The following INTS4 variants were observed in gnomAD, a reference collection of about 807,000 sequenced individuals.
INTS4 encodes the protein MSTP093.
A neutral mutation model predicts 119.5 loss-of-function variants in INTS4; 70 were observed. The ratio of observed to expected loss-of-function variants is 0.59; its 90% CI spans 0.48 to 0.71. INTS4 has a LOEUF of 0.71. INTS4 is among the 30% of genes least tolerant of loss of function. INTS4 has a pLI of 0.00. For synonymous variants in INTS4, 316 were observed against 419.6 expected, an observed-to-expected ratio of 0.75 and a Z score of 3.02; for missense variants, 867 against 1,173.2, an observed-to-expected ratio of 0.74 and a Z score of 3.81.
At chr11:77,991,679 T>C (rs543346300) in intron 1 of INTS4, among the ~76,000 whole-genome samples, 13 of 152,040 alleles carry the variant, frequency 8.6e-5, no homozygotes, top group Non-Finnish European at 1.8e-4. Flanking sequence ...TGAGCCACGG[T>C]GCCCAGCCTT....
chr11:77,909,129 T>C (rs1591042817), intron 15 of INTS4, among the ~76,000 whole-genome samples: 2 of 152,254 alleles, frequency 1.3e-5, no homozygotes, highest in East Asian at 3.8e-4. Flanking sequence ...ATAGCCCTGA[T>C]TGCCATTAGC....
At position 77,976,813 on chromosome 11, in the gene INTS4, A is replaced by C. The variant is rs191282010; in HGVS notation, c.471+2183T>G. 2.3e-3 allele frequency among the ~76,000 whole-genome samples: 353 copies of C among 152,354 alleles called. 1 individual carries two copies. Among genetic ancestry groups the C allele is most frequent in the African/African-American group, 8.1e-3 (336 of 41,586 alleles). ...AAGCTGGAAACCATCATTCTCAGCA[A>C]ACTATTGCAAGGACAAAAAACCAAA... On this transcript the variant is annotated intron_variant, in intron 4 of 22. Transcript: ENST00000534064.
In INTS4 at chr11:77,960,963, A is replaced by G; in HGVS notation, c.647T>C (p.Ile216Thr). The change falls in exon 5 of 23, where the codon ATA becomes ACA. Residue 216 changes from isoleucine to threonine, a missense_variant. Transcript: ENST00000534064. Reference sequence around the variant, plus strand: ...CATAATCACATTTACCATGGCTTTTATAGCTGCTGTTCTGACACGTGGGTC... The same window carrying G: ...CATAATCACATTTACCATGGCTTTTGTAGCTGCTGTTCTGACACGTGGGTC... The part of the protein sequence containing the change: ...DQDPRVRTAA[I>T]KAMLQLHERG... 1 of 1,599,102 alleles carries G rather than the reference A, an allele frequency of 6.3e-7. No homozygotes were observed.
At chr11:77,987,552 G>A (rs942833822) in intron 2 of INTS4, 19 of 422,376 alleles carry the variant, frequency 4.5e-5, no homozygotes, top group African/African-American at 4.0e-4. Context: ...CTGAGAGATC[G>A]AAAACTTCTT....
chr11:77,982,926 T>C (rs917484316), intron 2 of INTS4, among the ~76,000 whole-genome samples: 1 of 152,154 alleles, frequency 6.6e-6, no homozygotes, highest in Non-Finnish European at 1.5e-5. Context: ...AGATACAGCG[T>C]TGGAAGATCT....
intron 14 of INTS4, among the ~76,000 whole-genome samples, chr11:77,920,198 T>TATACATACACAC (rs1247883245): frequency 3.9e-3 from 192 of 48,806 alleles, no homozygotes; most frequent in African/African-American, 0.014. Context: ...TATATATACA[T>TATACATACACAC]ATATATACAC....
chr11:77,900,503 C>T, intron 18 of INTS4: 1 of 592,296 alleles, frequency 1.7e-6, no homozygotes. Flanking sequence ...TTATTTCTGA[C>T]CTAGTATGTT....
intron 8 of INTS4, among the ~76,000 whole-genome samples, chr11:77,946,714 T>C (rs1954055996): frequency 6.7e-6 from 1 of 149,636 alleles, no homozygotes; most frequent in South Asian, 2.1e-4. Context: ...TGAGCTGAGA[T>C]CATGCCACTG....
intron 2 of INTS4, chr11:77,987,466 G>T: frequency 3.3e-6 from 1 of 306,348 alleles, no homozygotes; most frequent in African/African-American, 2.3e-5. Context: ...TATTATAGAT[G>T]ATTATTGGTA....
chr11:77,909,749 G>C (rs1282487308), intron 15 of INTS4, among the ~76,000 whole-genome samples: 1 of 152,184 alleles, frequency 6.6e-6, no homozygotes, highest in Non-Finnish European at 1.5e-5. Context: ...AAATTAGAAA[G>C]TGTCATACAC....
chr11:77,963,547 A>G, intron 4 of INTS4: 1 of 352,830 alleles, frequency 2.8e-6, no homozygotes, highest in Admixed American at 4.4e-5. Context: ...TAATAAGACC[A>G]ATTTGTGTCA....
rs764240706 is a variant in INTS4 at position 77,901,425 on chromosome 11, G to C, written c.2224C>G (p.Arg742Gly). 1 of 1,613,750 alleles carries C rather than the reference G, an allele frequency of 6.2e-7. No individual in the cohort carries two copies. The highest frequency in any genetic ancestry group is 8.5e-7 in the Non-Finnish European group (1 of 1,179,828). Residue 742 changes from arginine (R) to glycine (G), a missense_variant, in exon 18 of 23, where the codon CGA becomes GGA. Transcript: ENST00000534064. ...TTGGCCAACCCCACATCTTACCCTCGTGTAGTTCGTGCTGTTACTATAAGT... is the reference window on the plus strand; with the variant it reads ...TTGGCCAACCCCACATCTTACCCTCCTGTAGTTCGTGCTGTTACTATAAGT... ...LQLIVTARTTRGLDPLFGMCE... is the reference protein window; with the variant it reads ...LQLIVTARTTGGLDPLFGMCE...
At chr11:77,981,759 A>C (rs1377919431) in intron 2 of INTS4, among the ~76,000 whole-genome samples, 183 bp from the exon 3 acceptor site, 2 of 151,228 alleles carry the variant, frequency 1.3e-5, no homozygotes, top group African/African-American at 2.4e-5. Context: ...TTATTTATTT[A>C]TTTATTTATT....
chr11:77,938,736 C>T lies in INTS4; in HGVS notation c.1080G>A (p.Lys360=), dbSNP rs757476154. ...TCACAGCCCCGGTATCTACTTCTTC[C>T]TTGGGAGCATCATCTCCCCACTTTC... is the stretch of plus-strand genomic sequence containing the variant. ...SGRKWGDDAP[K]EEVDTGAVNL... The change falls in exon 10 of 23, where the codon AAG becomes AAA. Residue 360 remains lysine (K), a synonymous_variant. Coordinates refer to ENST00000534064, the MANE Select transcript of INTS4 (RefSeq NM_033547.4). 35 of 1,612,044 alleles carry T rather than the reference C, an allele frequency of 2.2e-5. No individual in the cohort carries two copies. Among genetic ancestry groups the T allele is most frequent in the Non-Finnish European group, 2.9e-5 (34 of 1,179,870 alleles).
At chr11:77,907,623 C>A in intron 16 of INTS4, 94 bp downstream of exon 16, 1 of 834,820 alleles carries the variant, frequency 1.2e-6, no homozygotes. Flanking sequence ...GCATTAAGAC[C>A]ATAAGTTTTA....
intron 4 of INTS4, among the ~76,000 whole-genome samples, chr11:77,971,401 C>T (rs1020124611): frequency 1.3e-5 from 2 of 152,032 alleles, no homozygotes; most frequent in African/African-American, 2.4e-5. Flanking sequence ...AATCCCAGCA[C>T]TTTGGGAAGC....
At chr11:77,934,920 G>T (rs1201466508) in intron 10 of INTS4, among the ~76,000 whole-genome samples, 1 of 152,138 alleles carries the variant, frequency 6.6e-6, no homozygotes, top group Admixed American at 6.5e-5. Flanking sequence ...GCCCTTCTAA[G>T]AAGTAGTTCT....
chr11:77,959,215 C>A (rs1701912269), intron 6 of INTS4, among the ~76,000 whole-genome samples: 1 of 152,188 alleles, frequency 6.6e-6, no homozygotes, highest in Non-Finnish European at 1.5e-5. Flanking sequence ...GGTCTGAAAT[C>A]ACTGGCCTCT....
At position 77,955,979 on chromosome 11, in the gene INTS4, C is replaced by T. The variant is rs1488963182; in HGVS notation, c.881G>A (p.Gly294Asp). ...FGKICHMVSDGSWVVRVQAAK... is the reference protein window; with the variant it reads ...FGKICHMVSDDSWVVRVQAAK... ...TGCCTGAACACGAACCACCCAAGAG[C>T]CATCACTGACCATGTGACAAATTTT... The change falls in exon 8 of 23, where the codon GGC becomes GAC. Residue 294 changes from glycine to aspartate, a missense_variant. By Grantham distance (94) the Gly-to-Asp change is moderately conservative. This residue lies in a region of INTS4 where 208 missense variants were observed against 306.6 expected (regional missense o/e 0.68). Coordinates refer to ENST00000534064, the MANE Select transcript of INTS4 (RefSeq NM_033547.4). The T allele has an allele frequency of 6.2e-7, 1 of 1,611,382 alleles. No homozygotes were observed. The highest frequency in any genetic ancestry group is 8.5e-7 in the Non-Finnish European group (1 of 1,179,674).
Sources: gnomAD v4.1 joint callset for allele counts (sites outside exome capture counted in the v4.1 genomes callset) on GRCh38, gnomAD v4.1.1 for gene constraint, gnomAD v4.1.1 regional missense constraint, MANE v1.5 for transcripts, NCBI Gene and HGNC (gene_info 2026-07-23, HGNC 2026-07-21) for gene names.